WDR89: variants seen among roughly 807,000 people sequenced by gnomAD.
WDR89 encodes WD repeat domain 89, also known as WD repeat-containing protein 89.
Under a neutral mutation model 29.1 loss-of-function variants are expected in WDR89, and 17 were observed. That is an observed-to-expected ratio of 0.58 (90% CI 0.40 to 0.88). The LOEUF is 0.88. Ranked by LOEUF, WDR89 falls within the 40% of genes least tolerant of loss-of-function variation. The pLI, the probability that WDR89 is intolerant of heterozygous loss-of-function variation, is 0.00. For missense variants in WDR89, 396 were observed against 456.3 expected (o/e 0.87, Z 1.20); for synonymous variants, 138 against 157.8 (o/e 0.87, Z 0.94).
intron 1 of WDR89, among the ~76,000 whole-genome samples, chr14:63,635,237 C>G (rs372037670): frequency 3.3e-5 from 5 of 152,120 alleles, no homozygotes; most frequent in African/African-American, 1.2e-4. Context: ...TAACAAAATA[C>G]TAGCTAACTG....
At chr14:63,632,006 G>T (rs1883436385) in intron 1 of WDR89, among the ~76,000 whole-genome samples, 1 of 151,854 alleles carries the variant, frequency 6.6e-6, no homozygotes, top group Non-Finnish European at 1.5e-5. Flanking sequence ...CAGCTACTTG[G>T]GAGGCTAAGA....
intron 2 of WDR89, among the ~76,000 whole-genome samples, chr14:63,623,550 A>G (rs1019499571): frequency 2.6e-5 from 4 of 151,836 alleles, no homozygotes; most frequent in African/African-American, 9.7e-5. Context: ...CTAAAATTAC[A>G]AAAATTAGCC....
rs768989490 is a variant in WDR89 at position 63,599,344 on chromosome 14, AT to A, written c.598del (p.Ile200LeufsTer20). 2 of 1,614,192 alleles carry A rather than the reference AT, an allele frequency of 1.2e-6. No homozygotes were observed. The highest frequency in any genetic ancestry group is 3.3e-5 in the Admixed American group (2 of 60,014). Reference sequence around the variant, plus strand: ...TGCATCCTCCTCATTATCAATATTAATATCAAATACATTTACCAGGCCATCA... The same window carrying A: ...TGCATCCTCCTCATTATCAATATTAAATCAAATACATTTACCAGGCCATCA... The part of the protein sequence containing the change: ...SSDGLVNVFD[I>X]NIDNEEDALV... On this transcript the variant is annotated frameshift_variant, in exon 3 of 3. Coordinates refer to ENST00000620954, the MANE Select transcript of WDR89 (RefSeq NM_080666.4). LOFTEE classifies it high-confidence loss of function.
At chr14:63,601,790 C>T (rs1895077536) in intron 2 of WDR89, 8 of 1,202,796 alleles carry the variant, frequency 6.7e-6, no homozygotes, top group South Asian at 1.2e-5. Context: ...GAGATGGTGA[C>T]GTTCTTGGAA....
intron 2 of WDR89, among the ~76,000 whole-genome samples, chr14:63,622,760 C>T (rs1882784233): frequency 6.6e-6 from 1 of 152,112 alleles, no homozygotes; most frequent in South Asian, 2.1e-4. Flanking sequence ...GATCAAGACT[C>T]CATCTCTAAA....
chr14:63,598,497 C>T lies in WDR89; in HGVS notation c.*282G>A. The T allele has an allele frequency of 4.3e-6, 1 of 232,770 alleles. No homozygotes were observed. Among genetic ancestry groups the T allele is most frequent in the Non-Finnish European group, 8.2e-6 (1 of 122,108 alleles). 14.4% of individuals were successfully genotyped at this position (232,770 alleles called of 1,614,324 possible). A position where few individuals can be genotyped will look rare whatever the true frequency, so the allele number is the denominator to read the frequency against. On this transcript the variant is annotated 3_prime_UTR_variant, in exon 3 of 3. Transcript: ENST00000620954. ...ACCAAGTATTTCCTTCTAAAAAGTC[C>T]TTATCGGAGCTATTTCTTTAAAGCC...
At chr14:63,640,874 G>C (rs1320694107) in intron 1 of WDR89, among the ~76,000 whole-genome samples, 1 of 149,820 alleles carries the variant, frequency 6.7e-6, no homozygotes, top group Non-Finnish European at 1.5e-5. Flanking sequence ...GAGGCGAGTG[G>C]ATCACCTGAA....
intron 2 of WDR89, among the ~76,000 whole-genome samples, chr14:63,605,510 A>T (rs980065449): frequency 1.3e-5 from 2 of 151,524 alleles, no homozygotes; most frequent in Non-Finnish European, 2.9e-5. Context: ...CCCAGGCTGT[A>T]ATGCAGTGGC....
At chr14:63,617,587 C>T (rs756379791) in intron 2 of WDR89, among the ~76,000 whole-genome samples, 14 of 151,994 alleles carry the variant, frequency 9.2e-5, no homozygotes, top group African/African-American at 1.2e-4. Context: ...CAGGTTCAAG[C>T]GATACTCCTG....
At chr14:63,602,289 T>C (rs1039012291) in intron 2 of WDR89, among the ~76,000 whole-genome samples, 10 of 151,722 alleles carry the variant, frequency 6.6e-5, no homozygotes, top group Non-Finnish European at 7.4e-5. Context: ...CTGGTCAACA[T>C]GGTAAAACCC....
chr14:63,606,305 A>G (rs2139502184), intron 2 of WDR89, among the ~76,000 whole-genome samples: 1 of 152,338 alleles, frequency 6.6e-6, no homozygotes, highest in African/African-American at 2.4e-5. Context: ...TAATAAAATA[A>G]AAATTAAAGT....
intron 1 of WDR89, among the ~76,000 whole-genome samples, chr14:63,630,509 G>A (rs374249896): frequency 3.3e-5 from 5 of 151,922 alleles, no homozygotes; most frequent in African/African-American, 9.7e-5. Context: ...CCGGGATGGT[G>A]GCCCACGCCT....
At chr14:63,639,417 T>C (rs1464341292) in intron 1 of WDR89, among the ~76,000 whole-genome samples, 1 of 150,878 alleles carries the variant, frequency 6.6e-6, no homozygotes, top group Non-Finnish European at 1.5e-5. Flanking sequence ...CACTCCCCTT[T>C]CTTAAGTGTG....
chr14:63,630,486 T>C (rs1459141564), intron 1 of WDR89, among the ~76,000 whole-genome samples: 2 of 151,320 alleles, frequency 1.3e-5, no homozygotes, highest in East Asian at 4.0e-4. Context: ...CTACTAAAAA[T>C]TACAAAAATT....
intron 1 of WDR89, among the ~76,000 whole-genome samples, chr14:63,626,698 A>G (rs1480984036): frequency 1.4e-5 from 2 of 141,656 alleles, no homozygotes; most frequent in Admixed American, 1.4e-4. Flanking sequence ...AAAAAAAAAA[A>G]AAAAAAAAAA....
intron 2 of WDR89, among the ~76,000 whole-genome samples, chr14:63,600,717 CAAAAAAAAAAAAAAAAAAAAAAAAAAAAA>C (rs56059698): frequency 2.8e-5 from 1 of 36,144 alleles, no homozygotes; most frequent in Non-Finnish European, 7.0e-5. Context: ...GATATGTAGG[CAAAAAAAAAAAAAAAAAAAAAAAAAAAAA>C]AAAAAAAAGG....
In WDR89 at chr14:63,616,917, G is replaced by C. The variant is rs138887418; in HGVS notation, c.-32+8011C>G. 5.9e-5 allele frequency among the ~76,000 whole-genome samples: 9 copies of C among 152,018 alleles called. No homozygotes were observed. The East Asian group carries it at 1.4e-3, about 23-fold the overall frequency. On this transcript the variant is annotated intron_variant, in intron 2 of 2. Transcript: ENST00000620954. ...TTCTAACAGAAGTGGCTGGATGTAG[G>C]TCACAAATATGAAAGAATTTTCTGG...
intron 2 of WDR89, among the ~76,000 whole-genome samples, chr14:63,623,574 T>C (rs1242972290): frequency 6.6e-6 from 1 of 151,574 alleles, no homozygotes; most frequent in Non-Finnish European, 1.5e-5. Context: ...TGTGGTGGCA[T>C]GTGCCTGTCA....
intron 2 of WDR89, among the ~76,000 whole-genome samples, chr14:63,613,822 T>C (rs1474596928): frequency 1.0e-5 from 1 of 95,850 alleles, no homozygotes; most frequent in South Asian, 3.3e-4. Flanking sequence ...TTTAAACATC[T>C]TTTTTTTTTT....
Sources: allele counts gnomAD v4.1 joint callset (sites outside exome capture counted in the v4.1 genomes callset), GRCh38; gene constraint gnomAD v4.1.1; transcripts MANE v1.5; gene names NCBI Gene and HGNC (gene_info 2026-07-23, HGNC 2026-07-21).